SHROOM3: variants seen among roughly 807,000 people sequenced by gnomAD.
SHROOM3 encodes the protein shroom family member 3, also known as protein Shroom3.
A neutral mutation model predicts 138.6 loss-of-function variants in SHROOM3; 47 were observed. The observed-to-expected ratio is 0.34, with a 90% CI of 0.27 to 0.43. The LOEUF is 0.43. Among genes scored for constraint, SHROOM3 ranks in the 20% least tolerant of loss-of-function variants. SHROOM3 has a pLI of 1.00. For missense variants in SHROOM3, 2,491 were observed against 2,596.5 expected (o/e 0.96, Z 0.88); for synonymous variants, 1,062 against 1,063.3 (o/e 1.00, Z 0.02).
chr4:76,588,349 G>T (rs1407551628), intron 2 of SHROOM3, among the ~76,000 whole-genome samples: 1 of 152,076 alleles, frequency 6.6e-6, no homozygotes, highest in African/African-American at 2.4e-5. Flanking sequence ...ATTGTTTCCC[G>T]AGTGACCATT....
intron 2 of SHROOM3, among the ~76,000 whole-genome samples, chr4:76,579,384 T>C (rs1249099644): frequency 5.3e-5 from 8 of 150,284 alleles, no homozygotes; most frequent in Non-Finnish European, 1.2e-4. Context: ...AGGAGAATGG[T>C]GTGAACCCGG....
At chr4:76,672,017 A>C (rs200520109) in intron 2 of SHROOM3, among the ~76,000 whole-genome samples, 1 of 152,178 alleles carries the variant, frequency 6.6e-6, no homozygotes, top group East Asian at 1.9e-4. Context: ...GGGATACTCA[A>C]CATATATTGA....
chr4:76,777,828 A>C (rs904975775), intron 10 of SHROOM3, among the ~76,000 whole-genome samples: 1 of 152,228 alleles, frequency 6.6e-6, no homozygotes, highest in Non-Finnish European at 1.5e-5. Context: ...CACATTAAAG[A>C]TAACATATGC....
intron 3 of SHROOM3, among the ~76,000 whole-genome samples, chr4:76,710,996 ATACGG>A (rs1720213690): frequency 6.6e-6 from 1 of 152,208 alleles, no homozygotes; most frequent in Non-Finnish European, 1.5e-5. Flanking sequence ...ATTCAACGAG[ATACGG>A]TATTCAAAGC....
chr4:76,720,846 G>A (rs1296936122), intron 3 of SHROOM3, among the ~76,000 whole-genome samples: 3 of 151,484 alleles, frequency 2.0e-5, no homozygotes, highest in African/African-American at 4.8e-5. Context: ...TCCTGACCTC[G>A]TGGTCCGCCC....
At chr4:76,498,395 G>A (rs1337423118) in intron 1 of SHROOM3, among the ~76,000 whole-genome samples, 3 of 152,054 alleles carry the variant, frequency 2.0e-5, no homozygotes, top group African/African-American at 7.2e-5. Flanking sequence ...TAGATTAAAT[G>A]GATGGATGGA....
chr4:76,483,113 C>G (rs980876222), intron 1 of SHROOM3, among the ~76,000 whole-genome samples: 2 of 152,046 alleles, frequency 1.3e-5, no homozygotes, highest in African/African-American at 2.4e-5. Flanking sequence ...GAATAAAACA[C>G]CAAAAGCAAT....
At chr4:76,633,656 C>CA (rs869138315) in intron 2 of SHROOM3, among the ~76,000 whole-genome samples, 507 of 88,522 alleles carry the variant, frequency 5.7e-3, no homozygotes, top group Middle Eastern at 0.022. Context: ...GACTCCGTCT[C>CA]AAAAAAAAAA....
At chr4:76,565,214 A>C (rs1159296715) in intron 2 of SHROOM3, among the ~76,000 whole-genome samples, 1 of 150,684 alleles carries the variant, frequency 6.6e-6, no homozygotes. Flanking sequence ...CTGAGCCTTT[A>C]GGATATGAGG....
At chr4:76,491,039 G>A (rs757673178) in intron 1 of SHROOM3, among the ~76,000 whole-genome samples, 5 of 152,190 alleles carry the variant, frequency 3.3e-5, no homozygotes, top group Non-Finnish European at 5.9e-5. Context: ...AAGTGGTATC[G>A]CTGCTGGAAG....
chr4:76,740,884 G>A lies in SHROOM3; in HGVS notation c.2711G>A (p.Trp904Ter). 6.5e-7 allele frequency: 1 copy of A among 1,531,520 alleles called. No individual in the cohort carries two copies. The highest frequency in any genetic ancestry group is 8.7e-7 in the Non-Finnish European group (1 of 1,144,232). 94.9% of individuals were successfully genotyped at this position (1,531,520 alleles called of 1,614,324 possible). The change falls in exon 5 of 11, where the codon TGG becomes TAG. Residue 904 changes from tryptophan to a stop codon, truncating the protein, a stop_gained. Coordinates refer to ENST00000296043, the MANE Select transcript of SHROOM3 (RefSeq NM_020859.4). LOFTEE classifies it high-confidence loss of function. This position sits in a 1 kb window ranked among gnomAD's most constrained non-coding sequence, Gnocchi z 4.0. ...AGCGAGCCAGAGAGGGAGCCCGAGT[G>A]GCGGGACAGGCCCGGCTCGCCCGAA... Reference protein sequence around the residue: ...LSSEPEREPEWRDRPGSPESP... With the variant: ...LSSEPEREPE
chr4:76,720,479 A>G (rs955785254), intron 3 of SHROOM3, among the ~76,000 whole-genome samples: 3 of 152,032 alleles, frequency 2.0e-5, no homozygotes, highest in East Asian at 1.9e-4. Context: ...TTCCATTGCT[A>G]TATGTTTTTA....
intron 2 of SHROOM3, among the ~76,000 whole-genome samples, chr4:76,579,433 A>C (rs1734004328): frequency 6.6e-6 from 1 of 151,250 alleles, no homozygotes; most frequent in Admixed American, 6.6e-5. Context: ...GTGCCACTGC[A>C]CTCCAGCCTG....
At chr4:76,772,313 A>G (rs1228913083) in intron 10 of SHROOM3, among the ~76,000 whole-genome samples, 2 of 151,918 alleles carry the variant, frequency 1.3e-5, no homozygotes, top group Non-Finnish European at 1.5e-5. Context: ...CATATTGGCC[A>G]GGCTGGTCTC....
chr4:76,470,711 C>T (rs572863040), intron 1 of SHROOM3, among the ~76,000 whole-genome samples: 2 of 152,286 alleles, frequency 1.3e-5, no homozygotes, highest in African/African-American at 2.4e-5. Context: ...CCCCACTTAA[C>T]GAATGAGGCT....
Position 76,754,396 on chromosome 4 carries a change from A to G in SHROOM3, c.3913A>G (p.Lys1305Glu), listed in dbSNP as rs186087127. The stretch of plus-strand genomic sequence containing the variant: ...CCCTCGTTGGGGTGGTTCAGGCTGC[A>G]AAGCCATTGGTGATTCCTCCGTTCC... ...LTPRWGGSGC[K>E]AIGDSSVPSE... is the part of the protein sequence containing the mutation. The change falls in exon 7 of 11, where the codon AAA becomes GAA. Residue 1305 changes from lysine (K) to glutamate (E), a missense_variant. Coordinates refer to ENST00000296043, the MANE Select transcript of SHROOM3 (RefSeq NM_020859.4). 9 of 1,614,174 alleles carry G rather than the reference A, an allele frequency of 5.6e-6. No individual in the cohort carries two copies. The East Asian group carries it at 1.6e-4, about 28-fold the overall frequency.
In SHROOM3 at chr4:76,475,150, T is replaced by C. The variant is rs116640211; in HGVS notation, c.168+38930T>C. On this transcript the variant is annotated intron_variant, in intron 1 of 10. Transcript: ENST00000296043. ...ATCATATTAGCCTGGTAAATTGAAT[T>C]ATATGTCGTTTTGTAATAATACAAT... 3.8e-3 allele frequency among the ~76,000 whole-genome samples: 574 copies of C among 152,266 alleles called. 4 individuals are homozygous for C. The highest frequency in any genetic ancestry group is 0.013 in the African/African-American group (552 of 41,546).
chr4:76,749,115 C>G (rs771563639), intron 6 of SHROOM3, 25 bp downstream of exon 6: 4 of 1,593,446 alleles, frequency 2.5e-6, no homozygotes, highest in Non-Finnish European at 3.4e-6. Flanking sequence ...TTATGATGCT[C>G]TCTGCATATG....
intron 2 of SHROOM3, among the ~76,000 whole-genome samples, chr4:76,701,679 A>G (rs948268784): frequency 1.3e-5 from 2 of 152,232 alleles, no homozygotes; most frequent in Admixed American, 6.5e-5. Context: ...AGAAAGGCCT[A>G]GACTGAATTT....
Sources: gnomAD v4.1 joint callset for allele counts (sites outside exome capture counted in the v4.1 genomes callset) on GRCh38, gnomAD v4.1.1 for gene constraint, Gnocchi (gnomAD v3.1) non-coding constraint, MANE v1.5 for transcripts, NCBI Gene and HGNC (gene_info 2026-07-23, HGNC 2026-07-21) for gene names.